B3GALT5: variants seen among roughly 807,000 people sequenced by gnomAD.
B3GALT5 encodes the protein UDP-Gal:betaGlcNAc beta 1,3-galactosyltransferase, polypeptide 5.
For synonymous variants in B3GALT5, 156 were observed against 158.6 expected (o/e 0.98, Z 0.12); for missense variants, 328 against 396.6 (o/e 0.83, Z 1.47).
At chr21:39,653,947 C>G (rs1324926261) in intron 2 of B3GALT5, among the ~76,000 whole-genome samples, 1 of 152,182 alleles carries the variant, frequency 6.6e-6, no homozygotes, top group Non-Finnish European at 1.5e-5. Context: ...TTTCCCTGGT[C>G]AAGGTACTAA....
At chr21:39,618,638 G>T (rs1352329385) in intron 1 of B3GALT5, among the ~76,000 whole-genome samples, 1 of 151,974 alleles carries the variant, frequency 6.6e-6, no homozygotes, top group Non-Finnish European at 1.5e-5. Context: ...TTTTCATTTG[G>T]AATGTCTTTT....
intron 1 of B3GALT5, among the ~76,000 whole-genome samples, chr21:39,618,301 A>G (rs900217981): frequency 3.3e-5 from 5 of 152,208 alleles, no homozygotes; most frequent in Non-Finnish European, 7.3e-5. Context: ...GTTAGAGTGT[A>G]CTTTAGAGTA....
rs2079505028 is a variant in B3GALT5 at position 39,660,650 on chromosome 21, T to C, written c.91T>C (p.Phe31Leu). ...TTTTAGCATGTACAGTCTAAATCCTTTCAAAGAACAGTCCTTTGTTTACAA... is the reference window on the plus strand; with the variant it reads ...TTTTAGCATGTACAGTCTAAATCCTCTCAAAGAACAGTCCTTTGTTTACAA... ...LYFSMYSLNP[F>L]KEQSFVYKKD... is the part of the protein sequence containing the mutation. The change falls in exon 4 of 4, where the codon TTC becomes CTC. Residue 31 changes from phenylalanine to leucine, a missense_variant. Coordinates refer to ENST00000684187, the MANE Select transcript of B3GALT5 (RefSeq NM_001356336.2). 1.3e-6 allele frequency: 2 copies of C among 1,536,558 alleles called. No homozygotes were observed. Among genetic ancestry groups the C allele is most frequent in the Non-Finnish European group, 8.7e-7 (1 of 1,143,272 alleles).
intron 2 of B3GALT5, among the ~76,000 whole-genome samples, chr21:39,652,319 G>A (rs4283497): frequency 0.33 from 50,067 of 151,970 alleles, 8,424 homozygotes; most frequent in Middle Eastern, 0.39. Context: ...GATGGGTGGT[G>A]GGCAGAACGC....
chr21:39,624,608 G>T (rs2079154211), intron 1 of B3GALT5, among the ~76,000 whole-genome samples: 1 of 152,190 alleles, frequency 6.6e-6, no homozygotes, highest in African/African-American at 2.4e-5. Context: ...AAATGGTGGA[G>T]TGCTGGTTTT....
chr21:39,625,637 AC>A (rs2079159726), intron 1 of B3GALT5, among the ~76,000 whole-genome samples: 1 of 152,184 alleles, frequency 6.6e-6, no homozygotes, highest in Admixed American at 6.5e-5. Context: ...CAATAAAGAA[AC>A]CTGTTTTCAT....
At chr21:39,620,195 TC>T (rs2079127197) in intron 1 of B3GALT5, among the ~76,000 whole-genome samples, 2 of 152,338 alleles carry the variant, frequency 1.3e-5, no homozygotes, top group African/African-American at 4.8e-5. Context: ...TGGTCCAGGA[TC>T]CCAGCCAGAA....
Position 39,659,735 on chromosome 21 carries a change from T to A in B3GALT5, c.-160-18T>A. On this transcript the variant is annotated intron_variant, in intron 2 of 3. Coordinates refer to ENST00000684187, the MANE Select transcript of B3GALT5 (RefSeq NM_001356336.2). ...GGCACGAGTGATTTGAATGACACTC[T>A]TTTTTTTTTTTTCCTAGTGATTCCT... 2 of 267,380 alleles carry A rather than the reference T, an allele frequency of 7.5e-6. No individual in the cohort carries two copies. Among genetic ancestry groups the A allele is most frequent in the Non-Finnish European group, 1.1e-5 (2 of 181,274 alleles). The allele number at this position is 267,380 out of a possible 1,614,324, so 16.6% of individuals were successfully genotyped here. A position where few individuals can be genotyped will look rare whatever the true frequency, so the allele number is the denominator to read the frequency against.
At chr21:39,638,851 G>A (rs921998774) in intron 1 of B3GALT5, among the ~76,000 whole-genome samples, 11 of 152,152 alleles carry the variant, frequency 7.2e-5, no homozygotes, top group Non-Finnish European at 1.2e-4. Flanking sequence ...CCCATCACAC[G>A]CCCTGGGAGG....
intron 1 of B3GALT5, among the ~76,000 whole-genome samples, chr21:39,640,945 G>T (rs982337697): frequency 9.9e-5 from 15 of 151,948 alleles, no homozygotes; most frequent in Non-Finnish European, 1.9e-4. Context: ...TCACTATGTT[G>T]CCCAGGCTGG....
chr21:39,633,220 T>C (rs1020491583), intron 1 of B3GALT5, among the ~76,000 whole-genome samples: 4 of 152,170 alleles, frequency 2.6e-5, no homozygotes, highest in African/African-American at 9.7e-5. Context: ...CCTGGTCTTA[T>C]ACTGCAATCC....
intron 1 of B3GALT5, among the ~76,000 whole-genome samples, chr21:39,622,103 A>G (rs1353490708): frequency 6.6e-6 from 1 of 152,080 alleles, no homozygotes; most frequent in African/African-American, 2.4e-5. Context: ...TTGGTTTAAA[A>G]TATCTATTAT....
chr21:39,661,249 C>T lies in B3GALT5; in HGVS notation c.690C>T (p.Tyr230=). The part of the protein sequence containing the change: ...VFSGDVASQV[Y]NVSKSVPYIK... ...CTGGCGACGTGGCGAGTCAGGTGTA[C>T]AATGTCTCCAAGAGCGTCCCATACA... Residue 230 remains tyrosine (Y), a synonymous_variant, in exon 4 of 4, where the codon TAC becomes TAT. Transcript: ENST00000684187. The surrounding 1 kb of genome is among the most constrained non-coding windows in gnomAD (Gnocchi z 4.7). The T allele has an allele frequency of 1.9e-6, 3 of 1,614,152 alleles. No homozygotes were observed. The highest frequency in any genetic ancestry group is 2.5e-6 in the Non-Finnish European group (3 of 1,180,052).
At chr21:39,659,421 C>G (rs2079486473) in intron 2 of B3GALT5, among the ~76,000 whole-genome samples, 1 of 152,152 alleles carries the variant, frequency 6.6e-6, no homozygotes, top group Non-Finnish European at 1.5e-5. Flanking sequence ...ACTACAGACT[C>G]TGTTATGTAA....
rs1050767159 is a variant in B3GALT5, at chr21:39,662,999, T to G, written c.*1507T>G. ...ACCATTTCTTGTGTTTGGATTAAGC[T>G]GCTTCTTTGTAGATGTGTTTCCTCA... On this transcript the variant is annotated 3_prime_UTR_variant, in exon 4 of 4. Coordinates refer to ENST00000684187, the MANE Select transcript of B3GALT5 (RefSeq NM_001356336.2). 4.6e-5 allele frequency: 7 copies of G among 152,706 alleles called. No homozygotes were observed. Among genetic ancestry groups the G allele is most frequent in the Non-Finnish European group, 8.8e-5 (6 of 68,044 alleles). The allele number at this position is 152,706 out of a possible 1,614,324, so 9.5% of individuals were successfully genotyped here. A position where few individuals can be genotyped will look rare whatever the true frequency, so the allele number is the denominator to read the frequency against.
At chr21:39,632,895 G>GT (rs2079201587) in intron 1 of B3GALT5, among the ~76,000 whole-genome samples, 1 of 152,140 alleles carries the variant, frequency 6.6e-6, no homozygotes, top group African/African-American at 2.4e-5. Flanking sequence ...CAGTTTATAT[G>GT]TTTCAGATGA....
rs114799972 is a variant in B3GALT5, at chr21:39,647,131, C to A, written c.-161+509C>A. Among the ~76,000 whole-genome samples, 198 of 152,180 alleles carry A rather than the reference C, an allele frequency of 1.3e-3. 2 individuals carry two copies. The highest frequency in any genetic ancestry group is 4.6e-3 in the African/African-American group (193 of 41,512). ...AGCAAAACAAAAAAAACCAAAAACT[C>A]CACACAGCTGAAAGGGAACAAGGAT... On this transcript the variant is annotated intron_variant, in intron 2 of 3. Transcript: ENST00000684187.
intron 2 of B3GALT5, among the ~76,000 whole-genome samples, chr21:39,649,169 T>C (rs1424623185): frequency 2.0e-5 from 3 of 152,202 alleles, no homozygotes; most frequent in Non-Finnish European, 2.9e-5. Context: ...CTCTGTTGTA[T>C]TGATGAATGG....
At chr21:39,620,198 C>T (rs1402043304) in intron 1 of B3GALT5, among the ~76,000 whole-genome samples, 2 of 152,192 alleles carry the variant, frequency 1.3e-5, no homozygotes, top group Non-Finnish European at 1.5e-5. Context: ...TCCAGGATCC[C>T]AGCCAGAATC....
Sources: allele counts gnomAD v4.1 joint callset (sites outside exome capture counted in the v4.1 genomes callset), GRCh38; gene constraint gnomAD v4.1.1; non-coding constraint Gnocchi (gnomAD v3.1); transcripts MANE v1.5; gene names NCBI Gene and HGNC (gene_info 2026-07-23, HGNC 2026-07-21).